EPHA6: variants seen among roughly 807,000 people sequenced by gnomAD.
The protein encoded by EPHA6 is ephrin type-A receptor 6.
In EPHA6, 50 loss-of-function variants were observed where a neutral mutation model predicts 112.0. That is an observed-to-expected ratio of 0.45 (90% CI 0.36 to 0.56). EPHA6 has a LOEUF of 0.56. Ranked by LOEUF, EPHA6 falls within the 20% of genes least tolerant of loss-of-function variation. EPHA6 has a pLI of 0.00. For synonymous variants in EPHA6, 529 were observed against 490.7 expected, an observed-to-expected ratio of 1.08 and a Z score of -1.03; for missense variants, 1,280 against 1,417.4, an observed-to-expected ratio of 0.90 and a Z score of 1.56.
At chr3:97,417,835 A>G (rs1022604415) in intron 6 of EPHA6, among the ~76,000 whole-genome samples, 8 of 152,192 alleles carry the variant, frequency 5.3e-5, no homozygotes, top group African/African-American at 1.7e-4. Flanking sequence ...CTGATTTCTT[A>G]TAGACATAGA....
At chr3:96,865,020 GA>G (rs1167571970) in intron 1 of EPHA6, among the ~76,000 whole-genome samples, 1 of 151,980 alleles carries the variant, frequency 6.6e-6, no homozygotes, top group Non-Finnish European at 1.5e-5. Flanking sequence ...ATGTATACAA[GA>G]AACAAGATTG....
At chr3:97,004,218 A>G (rs901257918) in intron 3 of EPHA6, among the ~76,000 whole-genome samples, 1 of 152,246 alleles carries the variant, frequency 6.6e-6, no homozygotes, top group East Asian at 1.9e-4. Context: ...AGGAATCACT[A>G]TATGTCTTCC....
chr3:96,851,659 T>G (rs557407144), intron 1 of EPHA6, among the ~76,000 whole-genome samples: 2 of 152,266 alleles, frequency 1.3e-5, no homozygotes, highest in South Asian at 4.1e-4. Context: ...GTGAAAGATA[T>G]CAGAAGATGC....
intron 5 of EPHA6, among the ~76,000 whole-genome samples, chr3:97,367,586 G>A (rs1160807002): frequency 6.6e-6 from 1 of 151,206 alleles, no homozygotes; most frequent in Non-Finnish European, 1.5e-5. Context: ...TTTTTTTGTA[G>A]TTTTCTGTTT....
chr3:96,823,325 C>T (rs2033413803), intron 1 of EPHA6, among the ~76,000 whole-genome samples: 1 of 151,514 alleles, frequency 6.6e-6, no homozygotes, highest in Admixed American at 6.6e-5. Context: ...TAAAGAAAAA[C>T]AGAGTCAGGA....
At chr3:96,868,953 T>G (rs148650130) in intron 2 of EPHA6, among the ~76,000 whole-genome samples, 14 of 152,094 alleles carry the variant, frequency 9.2e-5, no homozygotes, top group African/African-American at 3.1e-4. Flanking sequence ...AAATAGTCAT[T>G]TCAGTGGAAA....
At chr3:97,452,506 T>C (rs1643814084) in intron 7 of EPHA6, among the ~76,000 whole-genome samples, 1 of 151,852 alleles carries the variant, frequency 6.6e-6, no homozygotes, top group African/African-American at 2.4e-5. Flanking sequence ...TTATGTCCAC[T>C]AACAGCATTT....
At chr3:97,163,815 G>A (rs1049840776) in intron 3 of EPHA6, among the ~76,000 whole-genome samples, 2 of 152,166 alleles carry the variant, frequency 1.3e-5, no homozygotes, top group Admixed American at 6.5e-5. Flanking sequence ...TTCCCACATG[G>A]CCCCAATTTA....
chr3:97,042,498 G>A (rs1366680630), intron 3 of EPHA6, among the ~76,000 whole-genome samples: 1 of 152,110 alleles, frequency 6.6e-6, no homozygotes, highest in East Asian at 1.9e-4. Context: ...CTCATACAGT[G>A]TGGTTCTTAT....
intron 5 of EPHA6, among the ~76,000 whole-genome samples, chr3:97,279,513 G>GCAGGT (rs1255841290): frequency 6.6e-6 from 1 of 150,386 alleles, no homozygotes; most frequent in Non-Finnish European, 1.5e-5. Flanking sequence ...AAAAAAAAAA[G>GCAGGT]CAGGTCAGAG....
chr3:97,237,668 A>G (rs1396434333), intron 4 of EPHA6, among the ~76,000 whole-genome samples: 1 of 152,054 alleles, frequency 6.6e-6, no homozygotes, highest in Non-Finnish European at 1.5e-5. Flanking sequence ...CATTTTGAGG[A>G]AAGTTTATTA....
intron 8 of EPHA6, among the ~76,000 whole-genome samples, chr3:97,475,862 CTA>C (rs1195274913): frequency 9.2e-5 from 14 of 151,660 alleles, no homozygotes; most frequent in Non-Finnish European, 1.8e-4. Context: ...TTGAAACTGT[CTA>C]TGTTAGAATT....
chr3:97,475,792 T>A (rs1366417152), intron 8 of EPHA6, among the ~76,000 whole-genome samples: 1 of 152,106 alleles, frequency 6.6e-6, no homozygotes, highest in African/African-American at 2.4e-5. Context: ...CAGAACAATT[T>A]ATAGAAAAAC....
In EPHA6 at chr3:97,433,438, T is replaced by C. The variant is rs2061384; in HGVS notation, c.1732-15130T>C. Among the ~76,000 whole-genome samples the C allele has an allele frequency of 1.0e-3, 152 of 152,248 alleles. 1 individual carries two copies. Among genetic ancestry groups the C allele is most frequent in the African/African-American group, 3.5e-3 (146 of 41,548 alleles). On this transcript the variant is annotated intron_variant, in intron 6 of 17. Coordinates refer to ENST00000389672, the MANE Select transcript of EPHA6 (RefSeq NM_001080448.3). ...AAGACTTCATTTACAGCACAGTCAA[T>C]AATGAACCAACAGGAGAGTTGCTGA...
chr3:97,182,255 T>C (rs2077009243), intron 3 of EPHA6, among the ~76,000 whole-genome samples: 1 of 151,218 alleles, frequency 6.6e-6, no homozygotes, highest in Non-Finnish European at 1.5e-5. Context: ...TTTAAAAATT[T>C]CTGAGAAAAA....
intron 5 of EPHA6, among the ~76,000 whole-genome samples, chr3:97,246,210 G>A (rs1477460067): frequency 1.3e-5 from 2 of 151,716 alleles, no homozygotes; most frequent in Non-Finnish European, 2.9e-5. Flanking sequence ...GGTTTTTATT[G>A]CCTCAACCTT....
intron 8 of EPHA6, among the ~76,000 whole-genome samples, chr3:97,477,754 TG>T (rs2091419550): frequency 6.6e-6 from 1 of 152,098 alleles, no homozygotes. Context: ...CATTTTGAAC[TG>T]GGGTCACTGA....
At chr3:97,645,518 G>A (rs1576188030) in intron 14 of EPHA6, among the ~76,000 whole-genome samples, 3 of 120,888 alleles carry the variant, frequency 2.5e-5, no homozygotes, top group African/African-American at 9.3e-5. Context: ...ACTGTGGTGG[G>A]GTGGGGGGAG....
At chr3:97,541,126 TA>T (rs113407050) in intron 11 of EPHA6, among the ~76,000 whole-genome samples, 5 of 147,564 alleles carry the variant, frequency 3.4e-5, no homozygotes, top group East Asian at 1.9e-4. Flanking sequence ...AATTTCTAGT[TA>T]AAAAAAATCC....
Sources: gnomAD v4.1 joint callset for allele counts (sites outside exome capture counted in the v4.1 genomes callset) on GRCh38, gnomAD v4.1.1 for gene constraint, MANE v1.5 for transcripts, NCBI Gene and HGNC (gene_info 2026-07-23, HGNC 2026-07-21) for gene names.